HEMK2: variants seen among roughly 807,000 people sequenced by gnomAD.
HEMK2 encodes methyltransferase HEMK2.
At chr21:28,843,901 T>C in the HEMK2 span, among the ~76,000 whole-genome samples, 1 of 152,134 alleles carries the variant, frequency 6.6e-6, no homozygotes, top group Non-Finnish European at 1.5e-5. Flanking sequence ...TTAGTGTTTT[T>C]AAGAAATTTT....
chr21:28,819,641 G>A, the HEMK2 span, among the ~76,000 whole-genome samples: 1 of 146,806 alleles, frequency 6.8e-6, no homozygotes, highest in Non-Finnish European at 1.5e-5. Flanking sequence ...CTGCCTCCCA[G>A]GTTCAAGCGA....
chr21:28,731,135 A>C, the HEMK2 span, among the ~76,000 whole-genome samples: 1 of 152,174 alleles, frequency 6.6e-6, no homozygotes, highest in Non-Finnish European at 1.5e-5. Flanking sequence ...AAGTTGGGGG[A>C]AGGGAGAAGA....
At chr21:28,871,506 C>G in the HEMK2 span, among the ~76,000 whole-genome samples, 25 of 152,206 alleles carry the variant, frequency 1.6e-4, no homozygotes, top group African/African-American at 4.6e-4. Flanking sequence ...GATTAAAATT[C>G]AACATGAGAT....
the HEMK2 span, among the ~76,000 whole-genome samples, chr21:28,593,644 GAATGT>G: frequency 6.6e-6 from 1 of 152,158 alleles, no homozygotes; most frequent in Admixed American, 6.5e-5. Flanking sequence ...TCATGATAAT[GAATGT>G]ATGTCAAAGA....
the HEMK2 span, among the ~76,000 whole-genome samples, chr21:28,837,577 C>A: frequency 6.6e-6 from 1 of 152,068 alleles, no homozygotes; most frequent in Non-Finnish European, 1.5e-5. Context: ...TCCCTAAACA[C>A]GTACATCAAA....
At chr21:28,592,329 T>TG in the HEMK2 span, among the ~76,000 whole-genome samples, 1 of 152,206 alleles carries the variant, frequency 6.6e-6, no homozygotes, top group African/African-American at 2.4e-5. Context: ...ACATCAATAG[T>TG]GAGGCAGTAG....
At chr21:28,659,395 G>T in the HEMK2 span, among the ~76,000 whole-genome samples, 1 of 152,034 alleles carries the variant, frequency 6.6e-6, no homozygotes, top group African/African-American at 2.4e-5. Context: ...TATCAGTTCA[G>T]AATTTTGATA....
chr21:28,819,042 G>T, the HEMK2 span, among the ~76,000 whole-genome samples: 1 of 152,134 alleles, frequency 6.6e-6, no homozygotes, highest in East Asian at 1.9e-4. Context: ...AAGAACTGTG[G>T]GTTATCTATA....
the HEMK2 span, among the ~76,000 whole-genome samples, chr21:28,805,154 G>A: frequency 6.6e-6 from 1 of 152,170 alleles, no homozygotes; most frequent in Non-Finnish European, 1.5e-5. Context: ...GACACAGGGA[G>A]AGCTGGATAT....
At chr21:28,844,046 T>C in the HEMK2 span, among the ~76,000 whole-genome samples, 1 of 152,156 alleles carries the variant, frequency 6.6e-6, no homozygotes, top group Non-Finnish European at 1.5e-5. Flanking sequence ...ATATAATACC[T>C]ACTTCCAATA....
At chr21:28,659,957 T>C in the HEMK2 span, among the ~76,000 whole-genome samples, 2 of 152,098 alleles carry the variant, frequency 1.3e-5, no homozygotes, top group African/African-American at 4.8e-5. Flanking sequence ...GATTATAGCT[T>C]TCTATTTATT....
the HEMK2 span, among the ~76,000 whole-genome samples, chr21:28,650,178 C>G: frequency 6.6e-6 from 1 of 152,264 alleles, no homozygotes; most frequent in East Asian, 1.9e-4. Flanking sequence ...GGGTGGATCA[C>G]AAGGTCAGGA....
At chr21:28,733,727 G>GTT in the HEMK2 span, among the ~76,000 whole-genome samples, 1 of 145,736 alleles carries the variant, frequency 6.9e-6, no homozygotes. Context: ...CAAGCCACTG[G>GTT]TTTTTTTTTT....
At chr21:28,855,250 C>T in the HEMK2 span, among the ~76,000 whole-genome samples, 11 of 152,048 alleles carry the variant, frequency 7.2e-5, no homozygotes, top group African/African-American at 1.4e-4. Flanking sequence ...CAACAACATT[C>T]GAAAGAGACA....
the HEMK2 span, among the ~76,000 whole-genome samples, chr21:28,869,289 C>A: frequency 6.6e-6 from 1 of 152,076 alleles, no homozygotes; most frequent in Non-Finnish European, 1.5e-5. Flanking sequence ...TCTATTAAAC[C>A]GTGGTTACAT....
the HEMK2 span, among the ~76,000 whole-genome samples, chr21:28,754,879 G>A: frequency 6.6e-6 from 1 of 152,168 alleles, no homozygotes; most frequent in Non-Finnish European, 1.5e-5. Context: ...AGCTGCTCTG[G>A]GCAAGGCAAA....
the HEMK2 span, among the ~76,000 whole-genome samples, chr21:28,837,523 A>G: frequency 6.6e-6 from 1 of 152,314 alleles, no homozygotes; most frequent in South Asian, 2.1e-4. Context: ...ACTTATCAAA[A>G]CCTCTGGGAT....
chr21:28,855,770 G>A, the HEMK2 span, among the ~76,000 whole-genome samples: 6 of 152,184 alleles, frequency 3.9e-5, no homozygotes, highest in Non-Finnish European at 5.9e-5. Flanking sequence ...TGACTTTTGG[G>A]TAAGCAATGA....
At chr21:28,881,721 T>C in the HEMK2 span, among the ~76,000 whole-genome samples, 3 of 141,582 alleles carry the variant, frequency 2.1e-5, no homozygotes, top group Non-Finnish European at 4.5e-5. Flanking sequence ...AGCCTCAACC[T>C]CCCAGGGTCA....
Sources: allele counts gnomAD v4.1 joint callset (sites outside exome capture counted in the v4.1 genomes callset), GRCh38; gene constraint gnomAD v4.1.1; transcripts MANE v1.5; gene names NCBI Gene and HGNC (gene_info 2026-07-23, HGNC 2026-07-21).